Variants in STRIP1 observed in about 807,000 individuals in gnomAD.
STRIP1 encodes the protein striatin interacting protein 1.
STRIP1 carries 63 observed loss-of-function variants against 106.2 expected under a neutral mutation model. That is an observed-to-expected ratio of 0.59 (90% CI 0.48 to 0.73). The LOEUF (loss-of-function observed/expected upper bound fraction) is 0.73. Ranked by LOEUF, STRIP1 falls within the 30% of genes least tolerant of loss-of-function variation. The probability of loss-of-function intolerance (pLI) is 0.00; values close to 1 mark genes in which losing one functional copy is unlikely to be tolerated. For synonymous variants in STRIP1, 390 were observed against 413.0 expected (o/e 0.94, Z 0.67); for missense variants, 857 against 1,074.8 (o/e 0.80, Z 2.83).
chr1:110,039,038 G>A, intron 3 of STRIP1, 134 bp from the exon 4 acceptor site: 1 of 1,023,676 alleles, frequency 9.8e-7, no homozygotes, highest in East Asian at 2.4e-5. Flanking sequence ...GCAGCAGTAT[G>A]ATCTTACCAC....
At chr1:110,052,166 C>T (rs1653330652) in intron 20 of STRIP1, among the ~76,000 whole-genome samples, 1 of 152,194 alleles carries the variant, frequency 6.6e-6, no homozygotes, top group Admixed American at 6.5e-5. Flanking sequence ...CCCCTCTTTT[C>T]ATCCCCATTT....
chr1:110,047,401 G>A (rs1338870382), intron 13 of STRIP1, 141 bp from the exon 14 acceptor site: 3 of 656,256 alleles, frequency 4.6e-6, no homozygotes, highest in Non-Finnish European at 5.5e-6. Context: ...CACATTGTTT[G>A]TGTTCAGGGT....
intron 1 of STRIP1, among the ~76,000 whole-genome samples, chr1:110,035,339 G>C (rs893621691): frequency 2.0e-5 from 3 of 152,218 alleles, no homozygotes; most frequent in African/African-American, 7.2e-5. Flanking sequence ...ATCATTGAGA[G>C]TAGAGTAGGA....
Position 110,051,720 on chromosome 1 carries a change from G to A in STRIP1, c.2099G>A (p.Arg700Gln), listed in dbSNP as rs1355751029. ...VVFKSAPILK[R>Q]ALKVKQAMMQ... ...TTCAAGTCAGCCCCCATCTTGAAGCGGGCCCTAAAGGTGAAACAAGCCATG... is the reference window on the plus strand; with the variant it reads ...TTCAAGTCAGCCCCCATCTTGAAGCAGGCCCTAAAGGTGAAACAAGCCATG... Residue 700 changes from arginine to glutamine, a missense_variant, in exon 20 of 21, where the codon CGG becomes CAG. Physicochemically the swap from Arg to Gln is conservative, Grantham distance 43 (BLOSUM62 1). This residue lies in a region of STRIP1 where 750 missense variants were observed against 989.8 expected (regional missense o/e 0.76). Transcript: ENST00000369795. 6 of 1,611,962 alleles carry A rather than the reference G, an allele frequency of 3.7e-6. No individual in the cohort carries two copies. The highest frequency in any genetic ancestry group is 1.7e-5 in the Admixed American group (1 of 59,780).
Position 110,043,797 on chromosome 1 carries a change from G to GCAC in STRIP1, c.1229_1231dup (p.His410dup), listed in dbSNP as rs756843599. ...ATGAAGTGATGCCTCCCCCGCTACA[G>GCAC]CACCCACAGACTGACAGGCTGACTT... On this transcript the variant is annotated inframe_insertion, in exon 10 of 21. Transcript: ENST00000369795. 6.2e-7 allele frequency: 1 copy of GCAC among 1,614,198 alleles called. No individual in the cohort carries two copies. Among genetic ancestry groups the GCAC allele is most frequent in the Non-Finnish European group, 8.5e-7 (1 of 1,180,042 alleles).
chr1:110,039,307 G>C lies in STRIP1; in HGVS notation c.460+1G>C. The stretch of plus-strand genomic sequence containing the variant: ...CGAGCAATTCTCTATGTTGCTCAAG[G>C]TATTGAGTGGACCTCCCCAGGGTTC... On this transcript the variant is annotated splice_donor_variant, in intron 4 of 20. Coordinates refer to ENST00000369795, the MANE Select transcript of STRIP1 (RefSeq NM_033088.4). LOFTEE classifies it high-confidence loss of function. The C allele has an allele frequency of 2.5e-6, 4 of 1,614,118 alleles. No homozygotes were observed. The highest frequency in any genetic ancestry group is 2.5e-6 in the Non-Finnish European group (3 of 1,180,016).
At chr1:110,050,010 C>A in intron 17 of STRIP1, 1 of 380,946 alleles carries the variant, frequency 2.6e-6, no homozygotes, top group Non-Finnish European at 4.8e-6. Context: ...CCGGCCAGAC[C>A]CTGTCTCCAG....
rs538287853 is a variant in STRIP1 at position 110,047,953 on chromosome 1, T to G, written c.1661+84T>G. ...CATTTTCCTCTTGTCAGGTTGGTTG[T>G]TGTTGGCCCAGCTCTACAGGTTAAA... On this transcript the variant is annotated intron_variant, in intron 15 of 20. Coordinates refer to ENST00000369795, the MANE Select transcript of STRIP1 (RefSeq NM_033088.4). 78 of 1,189,170 alleles carry G rather than the reference T, an allele frequency of 6.6e-5. No homozygotes were observed. The South Asian group carries it at 7.1e-4, about 11-fold the overall frequency. 73.7% of individuals were successfully genotyped at this position (1,189,170 alleles called of 1,614,324 possible).
In STRIP1 at chr1:110,043,868, A is replaced by G. The variant is rs746162659; in HGVS notation, c.1286+12A>G. On this transcript the variant is annotated intron_variant, in intron 10 of 20. Coordinates refer to ENST00000369795, the MANE Select transcript of STRIP1 (RefSeq NM_033088.4). Reference sequence around the variant, plus strand: ...GCTCCCAAGGTCAGGTGAGTCTCAGACCTCCAGAGCACTCATAGTTCCTGA... The same window carrying G: ...GCTCCCAAGGTCAGGTGAGTCTCAGGCCTCCAGAGCACTCATAGTTCCTGA... 6.2e-7 allele frequency: 1 copy of G among 1,610,946 alleles called. No individual in the cohort carries two copies. The highest frequency in any genetic ancestry group is 8.5e-7 in the Non-Finnish European group (1 of 1,177,866).
intron 1 of STRIP1, among the ~76,000 whole-genome samples, chr1:110,035,692 CTCCTAGATTGATCAGCA>C (rs774978288): frequency 1.3e-5 from 2 of 152,116 alleles, no homozygotes; most frequent in Non-Finnish European, 2.9e-5. Flanking sequence ...ACTATGCCAT[CTCCTAGATTGATCAGCA>C]GCCAAACTGA....
chr1:110,047,335 C>T (rs1020606451), intron 13 of STRIP1, among the ~76,000 whole-genome samples: 1 of 152,180 alleles, frequency 6.6e-6, no homozygotes, highest in Non-Finnish European at 1.5e-5. Context: ...ATAATAATAC[C>T]TTTATAGGGT....
At position 110,039,496 on chromosome 1, in the gene STRIP1, C is replaced by T. The variant is rs1652654848; in HGVS notation, c.562C>T (p.Leu188Phe). ...EVGTFNALVE[L>F]LNMEIDNSAA... ...GGGCACGTTCAATGCTTTGGTGGAGCTTCTGAACATGGAAATAGAGTGAGC... is the reference window on the plus strand; with the variant it reads ...GGGCACGTTCAATGCTTTGGTGGAGTTTCTGAACATGGAAATAGAGTGAGC... Residue 188 changes from leucine (L) to phenylalanine (F), a missense_variant, in exon 5 of 21, where the codon CTT becomes TTT. Around this residue, in one of 2 missense-constraint regions of STRIP1, gnomAD observed 750 missense variants for 989.8 expected, o/e 0.76. Transcript: ENST00000369795. 6.2e-7 allele frequency: 1 copy of T among 1,605,470 alleles called. No individual in the cohort carries two copies. The highest frequency in any genetic ancestry group is 1.7e-5 in the Admixed American group (1 of 58,270).
chr1:110,052,689 C>T (rs995073077), intron 20 of STRIP1, among the ~76,000 whole-genome samples: 2 of 152,040 alleles, frequency 1.3e-5, no homozygotes, highest in South Asian at 2.1e-4. Context: ...AGGCTGGCCT[C>T]GAGTTCCTGG....
chr1:110,043,998 C>A, intron 10 of STRIP1, 142 bp downstream of exon 10: 2 of 777,956 alleles, frequency 2.6e-6, no homozygotes, highest in Non-Finnish European at 4.4e-6. Context: ...TCTCTTAAAG[C>A]ACCCTGTGCT....
chr1:110,040,359 T>C (rs1239095094), intron 5 of STRIP1, among the ~76,000 whole-genome samples: 1 of 152,120 alleles, frequency 6.6e-6, no homozygotes, highest in Non-Finnish European at 1.5e-5. Context: ...TTTTTGTATT[T>C]TTAGTAGAGA....
chr1:110,041,501 A>T (rs750977716), intron 6 of STRIP1, 35 bp from the exon 7 acceptor site: 1 of 1,546,122 alleles, frequency 6.5e-7, no homozygotes, highest in South Asian at 1.1e-5. Context: ...TGACCCCCCC[A>T]TCCCACTCCA....
rs1409120327 is a variant in STRIP1, at chr1:110,049,141, G to A, written c.1691G>A (p.Gly564Glu). 6.2e-7 allele frequency: 1 copy of A among 1,614,190 alleles called. No individual in the cohort carries two copies. The highest frequency in any genetic ancestry group is 8.5e-7 in the Non-Finnish European group (1 of 1,180,018). ...PTTVLQSMKL[G>E]VDVNRHKEVI... ...ACAGTGTTGCAGAGCATGAAGCTGG[G>A]GGTGGATGTAAACCGCCACAAAGAG... Residue 564 changes from glycine (G) to glutamate (E), a missense_variant, in exon 16 of 21, where the codon GGG (glycine) becomes GAG (glutamate). Physicochemically the swap from Gly to Glu is moderately conservative, Grantham distance 98 (BLOSUM62 -2). Around this residue, in one of 2 missense-constraint regions of STRIP1, gnomAD observed 750 missense variants for 989.8 expected, o/e 0.76. Coordinates refer to ENST00000369795, the MANE Select transcript of STRIP1 (RefSeq NM_033088.4).
At chr1:110,045,989 G>T (rs891072100) in intron 12 of STRIP1, among the ~76,000 whole-genome samples, 5 of 152,188 alleles carry the variant, frequency 3.3e-5, no homozygotes, top group African/African-American at 9.7e-5. Flanking sequence ...ACAGCTATCT[G>T]GAGTGAAACT....
intron 1 of STRIP1, among the ~76,000 whole-genome samples, chr1:110,037,451 A>T (rs1652513827): frequency 6.6e-6 from 1 of 152,262 alleles, no homozygotes; most frequent in East Asian, 1.9e-4. Flanking sequence ...ACAGTCCACT[A>T]GCCAGAAAGA....
Sources: gnomAD v4.1 joint callset for allele counts (sites outside exome capture counted in the v4.1 genomes callset) on GRCh38, gnomAD v4.1.1 for gene constraint, gnomAD v4.1.1 regional missense constraint, MANE v1.5 for transcripts, NCBI Gene and HGNC (gene_info 2026-07-23, HGNC 2026-07-21) for gene names.